The following CSNK1G1 variants were observed in gnomAD, a reference collection of about 807,000 sequenced individuals.
The protein encoded by CSNK1G1 is casein kinase 1 gamma 1, also known as casein kinase I isoform gamma-1.
Under a neutral mutation model 59.6 loss-of-function variants are expected in CSNK1G1, and 22 were observed. That is an observed-to-expected ratio of 0.37 (90% CI 0.26 to 0.53). The LOEUF is 0.53. Ranked by LOEUF, CSNK1G1 falls within the 20% of genes least tolerant of loss-of-function variation. CSNK1G1 has a pLI of 0.89. For synonymous variants in CSNK1G1, 179 were observed against 177.1 expected, an observed-to-expected ratio of 1.01 and a Z score of -0.08; for missense variants, 384 against 519.5, an observed-to-expected ratio of 0.74 and a Z score of 2.54.
At chr15:64,181,161 C>A in intron 10 of CSNK1G1, 1 of 1,494,118 alleles carries the variant, frequency 6.7e-7, no homozygotes. Flanking sequence ...TAAAAAAACA[C>A]TCTCCCTTGG....
At chr15:64,239,516 T>C (rs956604164) in intron 4 of CSNK1G1, among the ~76,000 whole-genome samples, 1 of 152,050 alleles carries the variant, frequency 6.6e-6, no homozygotes, top group Non-Finnish European at 1.5e-5. Flanking sequence ...GCTGGGACTA[T>C]AGGTGCGTAC....
chr15:64,281,328 G>C (rs926406057), intron 2 of CSNK1G1, among the ~76,000 whole-genome samples: 1 of 152,156 alleles, frequency 6.6e-6, no homozygotes, highest in Admixed American at 6.5e-5. Flanking sequence ...GTAGGGGCTG[G>C]GTGCAGCAGC....
intron 10 of CSNK1G1, among the ~76,000 whole-genome samples, chr15:64,201,335 G>T (rs2082104757): frequency 6.6e-6 from 1 of 150,880 alleles, no homozygotes; most frequent in African/African-American, 2.4e-5. Context: ...TAGAGAATTT[G>T]TACAATTCGT....
chr15:64,238,737 A>AT (rs1459875762), intron 4 of CSNK1G1, among the ~76,000 whole-genome samples: 3 of 151,384 alleles, frequency 2.0e-5, no homozygotes, highest in East Asian at 3.9e-4. Flanking sequence ...CAGAGCACCC[A>AT]TTTTTTCCCT....
chr15:64,261,842 C>G (rs1163296101), intron 2 of CSNK1G1, among the ~76,000 whole-genome samples: 6 of 149,860 alleles, frequency 4.0e-5, no homozygotes. Context: ...ACTCAGGAGG[C>G]TGAGGCAGGA....
Position 64,180,469 on chromosome 15 carries a change from C to T in CSNK1G1, c.1108-15G>A. On this transcript the variant is annotated splice_polypyrimidine_tract_variant and intron_variant, in intron 10 of 11. Transcript: ENST00000303052. The stretch of plus-strand genomic sequence containing the variant: ...GAGCTAACCACCTGAAACAGAAAGA[C>T]AGAAGTGTGTGACAGGCACCATGGC... The T allele has an allele frequency of 6.2e-7, 1 of 1,603,538 alleles. No homozygotes were observed. The highest frequency in any genetic ancestry group is 2.2e-5 in the East Asian group (1 of 44,838).
intron 4 of CSNK1G1, among the ~76,000 whole-genome samples, chr15:64,224,304 AATT>A (rs2082428392): frequency 1.3e-5 from 2 of 152,206 alleles, no homozygotes; most frequent in African/African-American, 4.8e-5. Flanking sequence ...GGGATCAGGC[AATT>A]ATTATTATAA....
chr15:64,282,715 CT>C lies in CSNK1G1; in HGVS notation c.181+17603del, dbSNP rs541050833. Among the ~76,000 whole-genome samples the C allele has an allele frequency of 1.6e-3, 237 of 152,304 alleles. 1 individual carries two copies. Among genetic ancestry groups the C allele is most frequent in the African/African-American group, 5.6e-3 (231 of 41,564 alleles). Reference sequence around the variant, plus strand: ...GTGATAAACATTTGGGGTGCTGCCACTTTTTGAGAAATTGTCAGACTGTTTT... The same window carrying C: ...GTGATAAACATTTGGGGTGCTGCCACTTTTGAGAAATTGTCAGACTGTTTT... On this transcript the variant is annotated intron_variant, in intron 2 of 11. Transcript: ENST00000303052.
chr15:64,230,147 G>A (rs114743102), intron 4 of CSNK1G1, among the ~76,000 whole-genome samples: 5 of 151,078 alleles, frequency 3.3e-5, no homozygotes, highest in Non-Finnish European at 5.9e-5. Context: ...ATCACCTGAC[G>A]CGCTGGGCCT....
intron 4 of CSNK1G1, among the ~76,000 whole-genome samples, chr15:64,240,574 A>T (rs1260183858): frequency 6.6e-6 from 1 of 152,142 alleles, no homozygotes; most frequent in Non-Finnish European, 1.5e-5. Context: ...ATAAGGGAGT[A>T]ACAGCAGATT....
intron 10 of CSNK1G1, among the ~76,000 whole-genome samples, chr15:64,191,529 G>A (rs531708672): frequency 2.3e-4 from 35 of 151,966 alleles, no homozygotes; most frequent in Non-Finnish European, 4.7e-4. Flanking sequence ...TGATTCACAG[G>A]GCTATGTGGT....
At chr15:64,254,566 G>A (rs1892270561) in intron 3 of CSNK1G1, among the ~76,000 whole-genome samples, 1 of 152,046 alleles carries the variant, frequency 6.6e-6, no homozygotes, top group African/African-American at 2.4e-5. Flanking sequence ...TGGTCAGGCT[G>A]GTACCAAACC....
At chr15:64,282,304 T>C (rs1187185378) in intron 2 of CSNK1G1, among the ~76,000 whole-genome samples, 1 of 152,114 alleles carries the variant, frequency 6.6e-6, no homozygotes, top group Non-Finnish European at 1.5e-5. Context: ...TCTCAGTTGG[T>C]TGCCCAGGCT....
chr15:64,184,120 G>A (rs901880444), intron 10 of CSNK1G1, among the ~76,000 whole-genome samples: 4 of 151,654 alleles, frequency 2.6e-5, no homozygotes, highest in Non-Finnish European at 5.9e-5. Flanking sequence ...TGACTAACAC[G>A]GTGAAACTCC....
At chr15:64,310,763 T>C (rs1895950601) in intron 1 of CSNK1G1, among the ~76,000 whole-genome samples, 1 of 151,942 alleles carries the variant, frequency 6.6e-6, no homozygotes, top group African/African-American at 2.4e-5. Flanking sequence ...TCCCAGCACT[T>C]TGGGAGGCCG....
intron 1 of CSNK1G1, among the ~76,000 whole-genome samples, chr15:64,351,368 G>C (rs896405091): frequency 6.6e-6 from 1 of 152,060 alleles, no homozygotes; most frequent in Non-Finnish European, 1.5e-5. Context: ...ACTTTCTGAG[G>C]TCATCCAAGA....
At chr15:64,189,285 A>C (rs185331236) in intron 10 of CSNK1G1, 5 of 1,000,286 alleles carry the variant, frequency 5.0e-6, no homozygotes, top group Admixed American at 5.7e-5. Context: ...CCTTCAACTA[A>C]AAACCTCTTT....
At chr15:64,325,005 T>C (rs563331126) in intron 1 of CSNK1G1, among the ~76,000 whole-genome samples, 2 of 152,358 alleles carry the variant, frequency 1.3e-5, no homozygotes, top group African/African-American at 4.8e-5. Context: ...TCTGATACTC[T>C]GTAATATGTG....
At chr15:64,238,518 A>AAAATATATATATAT (rs1555396879) in intron 4 of CSNK1G1, among the ~76,000 whole-genome samples, 7 of 49,240 alleles carry the variant, frequency 1.4e-4, no homozygotes, top group African/African-American at 8.2e-4. Context: ...AAAAAAAAAA[A>AAAATATATATATAT]ATATATATAT....
Sources: gnomAD v4.1 joint callset for allele counts (sites outside exome capture counted in the v4.1 genomes callset) on GRCh38, gnomAD v4.1.1 for gene constraint, MANE v1.5 for transcripts, NCBI Gene and HGNC (gene_info 2026-07-23, HGNC 2026-07-21) for gene names.